The following DYRK1A variants were observed in gnomAD, a reference collection of about 807,000 sequenced individuals.
DYRK1A encodes dual specificity tyrosine phosphorylation regulated kinase 1A, also known as dual specificity tyrosine-phosphorylation-regulated kinase 1A.
A neutral mutation model predicts 79.7 loss-of-function variants in DYRK1A; 9 were observed. That is an observed-to-expected ratio of 0.11 (90% confidence interval 0.07 to 0.20). The LOEUF is 0.20. Ranked by LOEUF, DYRK1A falls within the 10% of genes least tolerant of loss-of-function variation. The probability of loss-of-function intolerance (pLI) is 1.00; values close to 1 mark genes in which losing one functional copy is unlikely to be tolerated. For synonymous variants in DYRK1A, 349 were observed against 329.7 expected (o/e 1.06, Z -0.63); for missense variants, 622 against 956.0 (o/e 0.65, Z 4.61).
intron 2 of DYRK1A, among the ~76,000 whole-genome samples, chr21:37,469,835 G>T (rs2052160877): frequency 6.6e-6 from 1 of 152,164 alleles, no homozygotes; most frequent in South Asian, 2.1e-4. Context: ...TGAGAATTAG[G>T]CAGGGACACA....
chr21:37,507,316 C>T (rs996169221), intron 11 of DYRK1A, among the ~76,000 whole-genome samples: 2 of 152,182 alleles, frequency 1.3e-5, no homozygotes, highest in African/African-American at 2.4e-5. Flanking sequence ...CCCTCAGCTC[C>T]GGTGTCTTCA....
At chr21:37,421,994 A>T (rs559220229) in intron 2 of DYRK1A, 3 of 152,278 alleles carry the variant, frequency 2.0e-5, no homozygotes, top group African/African-American at 7.2e-5. Context: ...CAAGACATGG[A>T]GGGTTTCCAA....
chr21:37,473,014 CAT>C (rs942182324), intron 3 of DYRK1A, 134 bp downstream of exon 3: 2 of 661,282 alleles, frequency 3.0e-6, no homozygotes, highest in Non-Finnish European at 2.2e-6. Context: ...ATTGGGAAAA[CAT>C]GTTAAGAAGT....
At chr21:37,385,744 T>TTGC (rs1239975409) in intron 1 of DYRK1A, among the ~76,000 whole-genome samples, 1 of 152,216 alleles carries the variant, frequency 6.6e-6, no homozygotes, top group African/African-American at 2.4e-5. Flanking sequence ...TTAGGCTTTA[T>TTGC]TGCTTTAAGA....
intron 1 of DYRK1A, among the ~76,000 whole-genome samples, chr21:37,417,529 CTTTTT>C (rs3216074): frequency 2.0e-4 from 9 of 44,046 alleles, no homozygotes; most frequent in East Asian, 2.6e-3. Flanking sequence ...TTTTCTTTTT[CTTTTT>C]TTTTTTTTTT....
chr21:37,378,579 C>T (rs928183262), intron 1 of DYRK1A, among the ~76,000 whole-genome samples: 1 of 152,152 alleles, frequency 6.6e-6, no homozygotes, highest in Non-Finnish European at 1.5e-5. Flanking sequence ...TATTTCGTTA[C>T]TCTGTTGATT....
At chr21:37,372,000 A>G (rs1292511168) in intron 1 of DYRK1A, among the ~76,000 whole-genome samples, 1 of 152,216 alleles carries the variant, frequency 6.6e-6, no homozygotes, top group African/African-American at 2.4e-5. Context: ...TTGATAATAT[A>G]GAGCCATTTC....
Position 37,420,307 on chromosome 21 carries a change from T to C in DYRK1A, c.-68T>C. On this transcript the variant is annotated 5_prime_UTR_variant, in exon 2 of 12. Transcript: ENST00000647188. ...TGTTTTTCTTCACACAGTGTTATAG[T>C]TTTGCCGCTGGACTCTTCCCTCCCT... 6.8e-7 allele frequency: 1 copy of C among 1,471,116 alleles called. No individual in the cohort carries two copies. The highest frequency in any genetic ancestry group is 1.4e-5 in the African/African-American group (1 of 71,790). 91.1% of individuals were successfully genotyped at this position (1,471,116 alleles called of 1,614,324 possible).
intron 3 of DYRK1A, 109 bp from the exon 4 acceptor site, chr21:37,478,099 T>A (rs1274906599): frequency 6.8e-7 from 1 of 1,477,336 alleles, no homozygotes; most frequent in African/African-American, 1.4e-5. Context: ...TAGCTGTCTT[T>A]AAAAAAGTAG....
chr21:37,478,173 T>C (rs745325999), intron 3 of DYRK1A, 35 bp from the exon 4 acceptor site: 1 of 1,611,842 alleles, frequency 6.2e-7, no homozygotes, highest in Admixed American at 1.7e-5. Flanking sequence ...CTTTTCTGTC[T>C]ATTTAAGGTG....
chr21:37,492,091 C>T (rs2053116821), intron 7 of DYRK1A, among the ~76,000 whole-genome samples: 1 of 152,120 alleles, frequency 6.6e-6, no homozygotes, highest in South Asian at 2.1e-4. Context: ...AGTGTTTGGG[C>T]CTAGGGAGTT....
intron 2 of DYRK1A, among the ~76,000 whole-genome samples, chr21:37,466,753 T>A (rs2052038714): frequency 6.6e-6 from 1 of 152,040 alleles, no homozygotes; most frequent in Admixed American, 6.5e-5. Context: ...AGTAGGAGAT[T>A]TTTAATACAT....
chr21:37,445,225 C>A (rs1189326492), intron 2 of DYRK1A, among the ~76,000 whole-genome samples: 1 of 152,166 alleles, frequency 6.6e-6, no homozygotes, highest in East Asian at 1.9e-4. Context: ...TTGTCACTTA[C>A]AGAAGGCAAG....
chr21:37,477,689 T>C lies in DYRK1A; in HGVS notation c.208-519T>C, dbSNP rs371123632. Among the ~76,000 whole-genome samples, 46 of 152,192 alleles carry C rather than the reference T, an allele frequency of 3.0e-4. 3 individuals are homozygous for C. Among genetic ancestry groups the C allele is most frequent in the Admixed American group, 1.8e-3 (28 of 15,280 alleles). On this transcript the variant is annotated intron_variant, in intron 3 of 11. Transcript: ENST00000647188. ...CATTAGGAGCTGAATTTCTTCTTAT[T>C]AGGAGCAGTTGGAGGGAATGGTGCT...
chr21:37,494,485 T>C (rs1203169323), intron 8 of DYRK1A, among the ~76,000 whole-genome samples: 2 of 151,892 alleles, frequency 1.3e-5, no homozygotes, highest in South Asian at 2.1e-4. Context: ...CCTTTGTATT[T>C]CTTCCTTCCT....
intron 1 of DYRK1A, among the ~76,000 whole-genome samples, chr21:37,395,468 A>T (rs2049943868): frequency 6.6e-6 from 1 of 152,192 alleles, no homozygotes; most frequent in Non-Finnish European, 1.5e-5. Context: ...GATGTTAATC[A>T]TGGTTTGTGG....
chr21:37,484,443 C>A (rs547998882), intron 5 of DYRK1A, among the ~76,000 whole-genome samples: 7 of 151,832 alleles, frequency 4.6e-5, no homozygotes, highest in African/African-American at 1.7e-4. Context: ...ATTCTCCTGC[C>A]TCAGCCTCTT....
At position 37,522,402 on chromosome 21, in the gene DYRK1A, G is replaced by GAC. The variant is rs2053940889; in HGVS notation, c.*9873_*9874dup. 6.6e-6 allele frequency: 1 copy of GAC among 152,236 alleles called. No homozygotes were observed. Among genetic ancestry groups the GAC allele is most frequent in the African/African-American group, 2.4e-5 (1 of 41,436 alleles). The allele number at this position is 152,236 out of a possible 1,614,324, so 9.4% of individuals were successfully genotyped here. On this transcript the variant is annotated 3_prime_UTR_variant, in exon 12 of 12. Transcript: ENST00000647188. ...GCAGAAGATGACACAACTGACCAGC[G>GAC]ACAGTCTGTCTTCTAGTCAGGCCTC... is the stretch of plus-strand genomic sequence containing the variant.
chr21:37,373,476 G>A (rs2049474166), intron 1 of DYRK1A, among the ~76,000 whole-genome samples: 1 of 152,120 alleles, frequency 6.6e-6, no homozygotes, highest in South Asian at 2.1e-4. Context: ...AAATACAGTG[G>A]CTTAAACGAG....
Sources: gnomAD v4.1 joint callset for allele counts (sites outside exome capture counted in the v4.1 genomes callset) on GRCh38, gnomAD v4.1.1 for gene constraint, MANE v1.5 for transcripts, NCBI Gene and HGNC (gene_info 2026-07-23, HGNC 2026-07-21) for gene names.